The following FOXK2 variants were observed in gnomAD, a reference collection of about 807,000 sequenced individuals.
The protein encoded by FOXK2 is forkhead box protein K2.
A neutral mutation model predicts 53.3 loss-of-function variants in FOXK2; 24 were observed. The ratio of observed to expected loss-of-function variants is 0.45; its 90% CI spans 0.33 to 0.63. The LOEUF (loss-of-function observed/expected upper bound fraction) is 0.63. Among genes scored for constraint, FOXK2 ranks in the 30% least tolerant of loss-of-function variants. The probability of loss-of-function intolerance (pLI) is 0.03; values close to 1 mark genes in which losing one functional copy is unlikely to be tolerated. For synonymous variants in FOXK2, 505 were observed against 407.1 expected (o/e 1.24, Z -2.89); for missense variants, 952 against 910.5 (o/e 1.05, Z -0.59).
At chr17:82,557,078 G>A (rs2044734358) in intron 1 of FOXK2, among the ~76,000 whole-genome samples, 1 of 150,446 alleles carries the variant, frequency 6.6e-6, no homozygotes, top group Non-Finnish European at 1.5e-5. Flanking sequence ...TGCCCAGGCT[G>A]GAGTGCAATG....
chr17:82,586,802 G>T (rs1250792951), intron 7 of FOXK2, among the ~76,000 whole-genome samples: 1 of 152,206 alleles, frequency 6.6e-6, no homozygotes, highest in East Asian at 1.9e-4. Context: ...TCGGGAGGCT[G>T]AGGCGGGAGA....
chr17:82,522,686 A>T (rs541948462), intron 1 of FOXK2, among the ~76,000 whole-genome samples: 88 of 151,432 alleles, frequency 5.8e-4, no homozygotes, highest in Non-Finnish European at 8.3e-4. Flanking sequence ...TTGAGTTTTT[A>T]AAGAAAATTC....
At chr17:82,576,735 A>C (rs1445987799) in intron 4 of FOXK2, 7 of 807,738 alleles carry the variant, frequency 8.7e-6, no homozygotes, top group Non-Finnish European at 1.4e-5. Context: ...CAAAACCGTG[A>C]ACGTAGCAGC....
chr17:82,540,604 CT>C (rs1047427224), intron 1 of FOXK2, among the ~76,000 whole-genome samples: 2 of 152,160 alleles, frequency 1.3e-5, no homozygotes, highest in African/African-American at 4.8e-5. Context: ...AGGCGTAACC[CT>C]TTCCTTCCTC....
chr17:82,556,455 A>T (rs899924564), intron 1 of FOXK2, among the ~76,000 whole-genome samples: 1 of 151,202 alleles, frequency 6.6e-6, no homozygotes, highest in East Asian at 1.9e-4. Context: ...AAAAAAAAAA[A>T]GCAAGTTACC....
intron 1 of FOXK2, among the ~76,000 whole-genome samples, chr17:82,534,183 C>T (rs1271545285): frequency 6.6e-6 from 1 of 151,928 alleles, no homozygotes; most frequent in Non-Finnish European, 1.5e-5. Context: ...GAGGTTGAGG[C>T]TGCTGTGGAC....
chr17:82,559,271 C>T, intron 1 of FOXK2: 1 of 431,626 alleles, frequency 2.3e-6, no homozygotes, highest in South Asian at 1.6e-5. Context: ...GAGCTTCAGT[C>T]TGAGGTTGCG....
intron 2 of FOXK2, among the ~76,000 whole-genome samples, chr17:82,564,891 C>T (rs547791675): frequency 7.9e-5 from 12 of 151,924 alleles, no homozygotes; most frequent in East Asian, 1.9e-4. Context: ...CCACCACGCC[C>T]GGCTAATTTT....
At chr17:82,564,568 G>T (rs977608158) in intron 2 of FOXK2, among the ~76,000 whole-genome samples, 4 of 151,728 alleles carry the variant, frequency 2.6e-5, no homozygotes, top group South Asian at 2.1e-4. Context: ...AAATGAAAGG[G>T]CAGACAGTGG....
chr17:82,570,683 A>G (rs1292998825), intron 3 of FOXK2, among the ~76,000 whole-genome samples: 1 of 152,194 alleles, frequency 6.6e-6, no homozygotes, highest in African/African-American at 2.4e-5. Context: ...CTCCATGTAT[A>G]TAGTATCATC....
Position 82,520,277 on chromosome 17 carries a change from G to A in FOXK2, c.389G>A (p.Arg130His). The A allele has an allele frequency of 1.6e-6, 2 of 1,270,924 alleles. No homozygotes were observed. The highest frequency in any genetic ancestry group is 2.0e-6 in the Non-Finnish European group (2 of 1,004,324). 78.7% of individuals were successfully genotyped at this position (1,270,924 alleles called of 1,614,324 possible). A position where few individuals can be genotyped will look rare whatever the true frequency, so the allele number is the denominator to read the frequency against. Residue 130 changes from arginine (R) to histidine (H), a missense_variant, in exon 1 of 9, where the codon CGC becomes CAC. By Grantham distance (29) the Arg-to-His change is conservative. Coordinates refer to ENST00000335255, the MANE Select transcript of FOXK2 (RefSeq NM_004514.4). ...GVFVDGVFQR[R>H]GAPPLQLPRV... ...TTCGTGGACGGCGTGTTCCAGAGGCGCGGGGCGCCGCCGCTGCAGCTGCCG... is the reference window on the plus strand; with the variant it reads ...TTCGTGGACGGCGTGTTCCAGAGGCACGGGGCGCCGCCGCTGCAGCTGCCG...
intron 1 of FOXK2, among the ~76,000 whole-genome samples, chr17:82,528,132 A>G (rs2144045656): frequency 6.6e-6 from 1 of 152,250 alleles, no homozygotes; most frequent in East Asian, 1.9e-4. Context: ...ATTTATTAAT[A>G]GTGAAGTGAT....
intron 1 of FOXK2, among the ~76,000 whole-genome samples, chr17:82,524,837 C>T (rs1338600320): frequency 6.6e-6 from 1 of 152,158 alleles, no homozygotes; most frequent in Non-Finnish European, 1.5e-5. Context: ...GTGGCTGGCC[C>T]TGTAGCCTGG....
Position 82,604,372 on chromosome 17 carries a change from T to A in FOXK2, c.*2873T>A, listed in dbSNP as rs919564110. On this transcript the variant is annotated 3_prime_UTR_variant, in exon 9 of 9. Transcript: ENST00000335255. ...TCAGTCGTCTACCCACTTCCGTCATTGTCCTCCGCTAGAATAACAGAGTAG... is the reference window on the plus strand; with the variant it reads ...TCAGTCGTCTACCCACTTCCGTCATAGTCCTCCGCTAGAATAACAGAGTAG... 5.2e-5 allele frequency: 8 copies of A among 152,560 alleles called. No homozygotes were observed. The highest frequency in any genetic ancestry group is 2.6e-4 in the Admixed American group (4 of 15,276). 9.5% of individuals were successfully genotyped at this position (152,560 alleles called of 1,614,324 possible). A position where few individuals can be genotyped will look rare whatever the true frequency, so the allele number is the denominator to read the frequency against.
At chr17:82,525,137 G>A (rs1049302221) in intron 1 of FOXK2, among the ~76,000 whole-genome samples, 14 of 151,748 alleles carry the variant, frequency 9.2e-5, no homozygotes, top group African/African-American at 1.9e-4. Flanking sequence ...CACCATGCCC[G>A]GCTAATTTTT....
chr17:82,526,996 T>G (rs541218285), intron 1 of FOXK2, among the ~76,000 whole-genome samples: 1 of 151,956 alleles, frequency 6.6e-6, no homozygotes, highest in Non-Finnish European at 1.5e-5. Context: ...ACTAGGAAAG[T>G]CTGGTGTGTT....
At chr17:82,598,578 C>T (rs765800214) in intron 8 of FOXK2, among the ~76,000 whole-genome samples, 2 of 152,202 alleles carry the variant, frequency 1.3e-5, no homozygotes, top group African/African-American at 4.8e-5. Flanking sequence ...TGTGTGCTCA[C>T]GTGGTGATGG....
chr17:82,553,210 AC>A (rs2044693609), intron 1 of FOXK2, among the ~76,000 whole-genome samples: 1 of 152,228 alleles, frequency 6.6e-6, no homozygotes. Flanking sequence ...TGCTGGGATT[AC>A]AGGCGTGAGC....
chr17:82,542,445 C>T (rs1244798096), intron 1 of FOXK2, among the ~76,000 whole-genome samples: 5 of 152,108 alleles, frequency 3.3e-5, no homozygotes, highest in African/African-American at 7.2e-5. Context: ...GGATTACAGA[C>T]GTGAGCCACC....
Sources: gnomAD v4.1 joint callset for allele counts (sites outside exome capture counted in the v4.1 genomes callset) on GRCh38, gnomAD v4.1.1 for gene constraint, MANE v1.5 for transcripts, NCBI Gene and HGNC (gene_info 2026-07-23, HGNC 2026-07-21) for gene names.